TMEM150C: variants seen among roughly 807,000 people sequenced by gnomAD.
The protein encoded by TMEM150C is transmembrane protein 150C.
TMEM150C carries 10 observed loss-of-function variants against 29.9 expected under a neutral mutation model. The observed-to-expected ratio is 0.33, with a 90% confidence interval of 0.21 to 0.57. TMEM150C has a LOEUF of 0.57. Among genes scored for constraint, TMEM150C ranks in the 20% least tolerant of loss-of-function variants. The pLI is 0.88. For missense variants in TMEM150C, 251 were observed against 303.6 expected (o/e 0.83, Z 1.29); for synonymous variants, 101 against 112.5 (o/e 0.90, Z 0.64).
intron 5 of TMEM150C, among the ~76,000 whole-genome samples, chr4:82,501,636 A>G (rs1204034907): frequency 6.6e-6 from 1 of 152,154 alleles, no homozygotes; most frequent in African/African-American, 2.4e-5. Flanking sequence ...CTGACGGGAA[A>G]CATTCTCCAT....
intron 2 of TMEM150C, among the ~76,000 whole-genome samples, chr4:82,503,842 C>T (rs930303827): frequency 1.3e-5 from 2 of 151,614 alleles, no homozygotes; most frequent in Admixed American, 6.6e-5. Flanking sequence ...GAGCAAGACT[C>T]CGTCTCAAAA....
At chr4:82,535,988 G>A (rs112643245) in intron 1 of TMEM150C, among the ~76,000 whole-genome samples, 130 of 152,156 alleles carry the variant, frequency 8.5e-4, no homozygotes, top group African/African-American at 3.0e-3. Context: ...GTCCCAGGCC[G>A]GGTTGGGAGT....
At position 82,485,461 on chromosome 4, in the gene TMEM150C, C is replaced by T. The variant is rs758911953; in HGVS notation, c.*50G>A. 7.1e-7 allele frequency: 1 copy of T among 1,415,902 alleles called. No individual in the cohort carries two copies. Among genetic ancestry groups the T allele is most frequent in the Non-Finnish European group, 9.8e-7 (1 of 1,023,938 alleles). 87.7% of individuals were successfully genotyped at this position (1,415,902 alleles called of 1,614,324 possible). A position where few individuals can be genotyped will look rare whatever the true frequency, so the allele number is the denominator to read the frequency against. On this transcript the variant is annotated 3_prime_UTR_variant, in exon 8 of 8. Coordinates refer to ENST00000449862, the MANE Select transcript of TMEM150C (RefSeq NM_001080506.3). ...AAGTCCTGTGAGTGTGTCCTACTGG[C>T]CCCTCCCCCACTGTCACACCCACCT...
chr4:82,531,219 C>T (rs17005765), intron 1 of TMEM150C, among the ~76,000 whole-genome samples: 17,911 of 152,092 alleles, frequency 0.12, 1,088 homozygotes, highest in Middle Eastern at 0.23. Flanking sequence ...TGAAGAAACC[C>T]GTCTGGATGA....
At chr4:82,525,856 C>A (rs1029592102) in intron 1 of TMEM150C, among the ~76,000 whole-genome samples, 2 of 151,998 alleles carry the variant, frequency 1.3e-5, no homozygotes, top group African/African-American at 4.8e-5. Context: ...TGGAGAAAGG[C>A]TGCAAAGCCC....
chr4:82,490,010 T>TA (rs1407449540), intron 7 of TMEM150C, 51 bp downstream of exon 7: 3 of 1,564,662 alleles, frequency 1.9e-6, no homozygotes, highest in Non-Finnish European at 2.6e-6. Context: ...AGAGACAACT[T>TA]ACTTGTTTTC....
intron 1 of TMEM150C, among the ~76,000 whole-genome samples, chr4:82,511,900 A>G (rs1724139136): frequency 6.6e-6 from 1 of 152,194 alleles, no homozygotes; most frequent in South Asian, 2.1e-4. Flanking sequence ...TAATAATAAA[A>G]ATATTGCCCA....
chr4:82,521,986 C>T (rs1724502961), intron 1 of TMEM150C, among the ~76,000 whole-genome samples: 1 of 152,132 alleles, frequency 6.6e-6, no homozygotes, highest in African/African-American at 2.4e-5. Context: ...TCGCTTGAAC[C>T]TGGGAGGTCG....
intron 1 of TMEM150C, among the ~76,000 whole-genome samples, chr4:82,547,326 T>C (rs4377583): frequency 0.35 from 53,329 of 151,136 alleles, 13,697 homozygotes; most frequent in African/African-American, 0.73. Flanking sequence ...CAGTGGCTCA[T>C]GCCTGTAATA....
intron 1 of TMEM150C, among the ~76,000 whole-genome samples, chr4:82,524,142 C>T (rs551189578): frequency 2.0e-5 from 3 of 150,058 alleles, no homozygotes; most frequent in South Asian, 4.2e-4. Flanking sequence ...GTGGTGGGTG[C>T]CTGTGGTCCC....
chr4:82,518,848 A>G (rs1724381877), intron 1 of TMEM150C, among the ~76,000 whole-genome samples: 1 of 152,210 alleles, frequency 6.6e-6, no homozygotes, highest in South Asian at 2.1e-4. Flanking sequence ...GACTGAGAGA[A>G]TATTCTTCTT....
At chr4:82,555,017 G>A (rs1725696738) in intron 1 of TMEM150C, among the ~76,000 whole-genome samples, 1 of 152,174 alleles carries the variant, frequency 6.6e-6, no homozygotes, top group Non-Finnish European at 1.5e-5. Flanking sequence ...GCCTCTTCTA[G>A]TCTACCTGAC....
At chr4:82,552,909 G>T (rs75028312) in intron 1 of TMEM150C, among the ~76,000 whole-genome samples, 8,331 of 152,274 alleles carry the variant, frequency 0.055, 386 homozygotes, top group South Asian at 0.16. Flanking sequence ...CAGTGGAAGG[G>T]TGCTGCATCT....
At chr4:82,561,546 A>ACGGGGCCGGGGC (rs556865181) in intron 1 of TMEM150C, among the ~76,000 whole-genome samples, 10 of 150,186 alleles carry the variant, frequency 6.7e-5, no homozygotes, top group African/African-American at 2.4e-4. Flanking sequence ...CTGTCAAAGG[A>ACGGGGCCGGGGC]CGGGGCCGGG....
intron 1 of TMEM150C, among the ~76,000 whole-genome samples, chr4:82,551,711 C>A (rs1040300966): frequency 6.6e-6 from 1 of 152,116 alleles, no homozygotes; most frequent in East Asian, 1.9e-4. Context: ...CTATCCAGGG[C>A]GGCTGCCCCT....
chr4:82,500,747 C>T (rs1723711665), intron 5 of TMEM150C, among the ~76,000 whole-genome samples: 1 of 152,174 alleles, frequency 6.6e-6, no homozygotes, highest in Non-Finnish European at 1.5e-5. Context: ...AAAAAGTATA[C>T]ACTTAAAGAC....
At chr4:82,535,061 TG>T (rs1165671252) in intron 1 of TMEM150C, among the ~76,000 whole-genome samples, 3 of 152,222 alleles carry the variant, frequency 2.0e-5, no homozygotes, top group Non-Finnish European at 4.4e-5. Context: ...AGAGAACTGC[TG>T]CATCTTTTTC....
intron 1 of TMEM150C, among the ~76,000 whole-genome samples, chr4:82,515,352 A>G (rs1217171588): frequency 6.6e-6 from 1 of 152,190 alleles, no homozygotes; most frequent in East Asian, 1.9e-4. Flanking sequence ...CAGCACCCTG[A>G]GAAGTATAGG....
intron 1 of TMEM150C, among the ~76,000 whole-genome samples, chr4:82,519,799 A>C (rs1246453499): frequency 6.6e-6 from 1 of 152,230 alleles, no homozygotes; most frequent in African/African-American, 2.4e-5. Flanking sequence ...AGAGAGTAAC[A>C]ACTAATAATA....
Sources: gnomAD v4.1 joint callset for allele counts (sites outside exome capture counted in the v4.1 genomes callset) on GRCh38, gnomAD v4.1.1 for gene constraint, MANE v1.5 for transcripts, NCBI Gene and HGNC (gene_info 2026-07-23, HGNC 2026-07-21) for gene names.